Variants in ACSS3 observed in about 807,000 individuals in gnomAD.
ACSS3 encodes acyl-CoA synthetase short chain family member 3.
A neutral mutation model predicts 84.2 loss-of-function variants in ACSS3; 64 were observed. That is an observed-to-expected ratio of 0.76 (90% CI 0.62 to 0.94). The LOEUF (loss-of-function observed/expected upper bound fraction) is 0.94. Among genes scored for constraint, ACSS3 ranks in the 40% least tolerant of loss-of-function variants. The probability of loss-of-function intolerance (pLI) is 0.00; values close to 1 mark genes in which losing one functional copy is unlikely to be tolerated. For missense variants in ACSS3, 815 were observed against 867.6 expected (o/e 0.94, Z 0.76); for synonymous variants, 317 against 310.1 (o/e 1.02, Z -0.23).
intron 9 of ACSS3, among the ~76,000 whole-genome samples, chr12:81,213,558 C>CCTCCTCTCCTCTCCTCTCCT (rs762606244): frequency 6.2e-5 from 7 of 112,898 alleles, no homozygotes; most frequent in African/African-American, 1.7e-4. Context: ...AGTTCTCTTT[C>CCTCCTCTCCTCTCCTCTCCT]CTCCTCTCCT....
rs575611168 is a variant in ACSS3, at chr12:81,151,678, G to A, written c.922-166G>A. 373 of 564,928 alleles carry A rather than the reference G, an allele frequency of 6.6e-4. 1 individual carries two copies. The highest frequency in any genetic ancestry group is 6.2e-3 in the African/African-American group (327 of 52,876). 35.0% of individuals were successfully genotyped at this position (564,928 alleles called of 1,614,324 possible). On this transcript the variant is annotated intron_variant, in intron 5 of 15. Coordinates refer to ENST00000548058, the MANE Select transcript of ACSS3 (RefSeq NM_024560.4). ...AATTATTTTGTGTTGACTATTGAAG[G>A]ACCCAAAGAAATAATGATTCAAAGA...
intron 2 of ACSS3, among the ~76,000 whole-genome samples, chr12:81,130,223 T>C (rs1885398753): frequency 6.6e-6 from 1 of 152,176 alleles, no homozygotes; most frequent in Admixed American, 6.6e-5. Flanking sequence ...AATGGTTGAA[T>C]TAGTTTACAT....
intron 8 of ACSS3, among the ~76,000 whole-genome samples, chr12:81,185,621 T>A (rs2135855858): frequency 6.6e-6 from 1 of 151,822 alleles, no homozygotes; most frequent in East Asian, 1.9e-4. Context: ...TACTTTGGAA[T>A]AATTTTAACC....
chr12:81,080,501 G>C (rs1443943795), intron 1 of ACSS3, among the ~76,000 whole-genome samples: 1 of 151,942 alleles, frequency 6.6e-6, no homozygotes, highest in African/African-American at 2.4e-5. Flanking sequence ...GAAAATCAAA[G>C]TGAAGAAGTG....
At chr12:81,092,071 G>A (rs983264193) in intron 1 of ACSS3, among the ~76,000 whole-genome samples, 2 of 151,928 alleles carry the variant, frequency 1.3e-5, no homozygotes, top group Non-Finnish European at 2.9e-5. Context: ...ATTTAAAAAC[G>A]AGCTGTGCAT....
intron 3 of ACSS3, among the ~76,000 whole-genome samples, chr12:81,136,443 C>T (rs1885808932): frequency 6.6e-6 from 1 of 152,030 alleles, no homozygotes; most frequent in Non-Finnish European, 1.5e-5. Flanking sequence ...CCGGGTTTGG[C>T]TCACAACCAT....
intron 13 of ACSS3, among the ~76,000 whole-genome samples, chr12:81,249,294 C>T (rs1257539761): frequency 2.6e-5 from 4 of 152,058 alleles, no homozygotes; most frequent in African/African-American, 9.7e-5. Flanking sequence ...AAGAAACCTT[C>T]AGGCGTTTTC....
chr12:81,083,276 A>G (rs560732655), intron 1 of ACSS3, among the ~76,000 whole-genome samples: 6 of 152,084 alleles, frequency 3.9e-5, no homozygotes, highest in Non-Finnish European at 2.9e-5. Flanking sequence ...TTTGACCTAC[A>G]AGTTTTGTTT....
chr12:81,109,932 A>G (rs543743561), intron 2 of ACSS3, among the ~76,000 whole-genome samples: 3 of 152,268 alleles, frequency 2.0e-5, no homozygotes, highest in African/African-American at 7.2e-5. Context: ...TTTTACAGGG[A>G]GAGGATGGCA....
chr12:81,092,197 T>C (rs1343616917), intron 1 of ACSS3, among the ~76,000 whole-genome samples: 1 of 152,184 alleles, frequency 6.6e-6, no homozygotes, highest in Non-Finnish European at 1.5e-5. Context: ...TTGTTTCTTC[T>C]TTATTTTGTT....
In ACSS3 at chr12:81,199,251, G is replaced by A. The variant is rs149994866; in HGVS notation, c.1251-90G>A. On this transcript the variant is annotated intron_variant, in intron 8 of 15. Coordinates refer to ENST00000548058, the MANE Select transcript of ACSS3 (RefSeq NM_024560.4). The stretch of plus-strand genomic sequence containing the variant: ...TATTGCTGTATTCCTCTGACATAAT[G>A]AGTGTGGTTAACCAATGTTTTTAAA... 1,353 of 1,091,542 alleles carry A rather than the reference G, an allele frequency of 1.2e-3. 4 individuals are homozygous for A. The highest frequency in any genetic ancestry group is 1.2e-3 in the Non-Finnish European group (910 of 754,330). 67.6% of individuals were successfully genotyped at this position (1,091,542 alleles called of 1,614,324 possible). A position where few individuals can be genotyped will look rare whatever the true frequency, so the allele number is the denominator to read the frequency against.
At chr12:81,244,323 A>G (rs2033912602) in intron 13 of ACSS3, among the ~76,000 whole-genome samples, 1 of 151,916 alleles carries the variant, frequency 6.6e-6, no homozygotes, top group Non-Finnish European at 1.5e-5. Flanking sequence ...AAATTTGAGT[A>G]TGATATGCCT....
chr12:81,143,053 C>T (rs758501095), intron 4 of ACSS3, 54 bp from the exon 5 acceptor site: 7 of 1,436,120 alleles, frequency 4.9e-6, no homozygotes, highest in Admixed American at 2.1e-5. Flanking sequence ...ACTTTTTGTT[C>T]TCTTGATTTA....
chr12:81,230,997 A>C (rs2033438185), intron 11 of ACSS3, 60 bp from the exon 12 acceptor site: 1 of 1,272,626 alleles, frequency 7.9e-7, no homozygotes, highest in Non-Finnish European at 1.1e-6. Flanking sequence ...TAATAGTTCT[A>C]ATCAACCTGT....
rs145747084 is a variant in ACSS3 at position 81,106,187 on chromosome 12, A to G, written c.312-3373A>G. ...ACTGAGCAAAGCTTCATCTGTATTT[A>G]TAGCTGCTCCCCACTGCTCACATTA... On this transcript the variant is annotated intron_variant, in intron 1 of 15. Coordinates refer to ENST00000548058, the MANE Select transcript of ACSS3 (RefSeq NM_024560.4). Among the ~76,000 whole-genome samples, 396 of 152,290 alleles carry G rather than the reference A, an allele frequency of 2.6e-3. 1 individual carries two copies. The highest frequency in any genetic ancestry group is 4.6e-3 in the Non-Finnish European group (315 of 68,026).
chr12:81,233,964 G>A (rs1044122219), intron 13 of ACSS3, among the ~76,000 whole-genome samples: 1 of 151,424 alleles, frequency 6.6e-6, no homozygotes, highest in African/African-American at 2.4e-5. Flanking sequence ...ACAATACTAT[G>A]AGTATTTATA....
intron 8 of ACSS3, among the ~76,000 whole-genome samples, chr12:81,189,531 T>C (rs1004130262): frequency 3.9e-5 from 6 of 152,170 alleles, no homozygotes; most frequent in African/African-American, 1.2e-4. Context: ...CTTATTCAAG[T>C]CTTTTGCAAA....
intron 10 of ACSS3, among the ~76,000 whole-genome samples, chr12:81,218,828 C>T (rs1006924399): frequency 1.3e-5 from 2 of 151,826 alleles, no homozygotes; most frequent in South Asian, 4.1e-4. Flanking sequence ...GCAGACAGTA[C>T]AGGTTAAACA....
At chr12:81,231,628 C>G (rs921630164) in intron 12 of ACSS3, among the ~76,000 whole-genome samples, 1 of 151,724 alleles carries the variant, frequency 6.6e-6, no homozygotes, top group African/African-American at 2.4e-5. Flanking sequence ...GTTCTCTGAG[C>G]TCTTTATTTT....
Sources: gnomAD v4.1 joint callset for allele counts (sites outside exome capture counted in the v4.1 genomes callset) on GRCh38, gnomAD v4.1.1 for gene constraint, MANE v1.5 for transcripts, NCBI Gene and HGNC (gene_info 2026-07-23, HGNC 2026-07-21) for gene names.